Variants in ABAT observed in about 807,000 individuals in gnomAD.
ABAT encodes the protein 4-aminobutyrate aminotransferase, mitochondrial.
ABAT carries 45 observed loss-of-function variants against 64.6 expected under a neutral mutation model. That is an observed-to-expected ratio of 0.70 (90% CI 0.55 to 0.89). The LOEUF (loss-of-function observed/expected upper bound fraction) is 0.89. Ranked by LOEUF, ABAT falls within the 40% of genes least tolerant of loss-of-function variation. The pLI is 0.00. For missense variants in ABAT, 633 were observed against 658.4 expected, an observed-to-expected ratio of 0.96 and a Z score of 0.42; for synonymous variants, 297 against 250.5, an observed-to-expected ratio of 1.19 and a Z score of -1.75.
rs77156240 is a variant in ABAT, at chr16:8,734,545, A to G, written c.-41-1154A>G. Among the ~76,000 whole-genome samples, 145 of 152,272 alleles carry G rather than the reference A, an allele frequency of 9.5e-4. 1 individual carries two copies. In the East Asian group the frequency reaches 0.01, roughly 11 times the overall value. ...TGTGCCTCAATTTCCTCCTCTGTAA[A>G]AAGACCATGGAGCATGGTTGTACAT... On this transcript the variant is annotated intron_variant, in intron 1 of 15. Transcript: ENST00000268251.
rs1211931474 is a variant in ABAT at position 8,723,825 on chromosome 16, ATATTTTTTTTTT to A, written c.-41-11872_-41-11861del. On this transcript the variant is annotated intron_variant, in intron 1 of 15. Transcript: ENST00000268251. ...CCAAGCTTTTTATATATATATATAT[ATATTTTTTTTTT>A]TTTTTTTTTTTTTTTTTTTTTGAGA... Among the ~76,000 whole-genome samples the A allele has an allele frequency of 5.9e-5, 3 of 51,174 alleles. No individual in the cohort carries two copies. In the East Asian group the frequency reaches 1.6e-3, roughly 27 times the overall value. The allele number at this position is 51,174 out of a possible 152,430, so 33.6% of individuals were successfully genotyped here. A position where few individuals can be genotyped will look rare whatever the true frequency, so the allele number is the denominator to read the frequency against.
At chr16:8,734,616 T>G (rs1213893446) in intron 1 of ABAT, among the ~76,000 whole-genome samples, 1 of 152,150 alleles carries the variant, frequency 6.6e-6, no homozygotes, top group African/African-American at 2.4e-5. Context: ...GTAAAGCGTT[T>G]TGTGCAGCAT....
At chr16:8,700,911 C>CTT (rs1174749864) in intron 1 of ABAT, among the ~76,000 whole-genome samples, 5,325 of 131,478 alleles carry the variant, frequency 0.041, 353 homozygotes, top group African/African-American at 0.14. Context: ...GGCCTTAATT[C>CTT]TTTTTTTTTT....
chr16:8,703,264 G>A (rs1400503754), intron 1 of ABAT, among the ~76,000 whole-genome samples: 4 of 151,918 alleles, frequency 2.6e-5, no homozygotes, highest in African/African-American at 9.7e-5. Flanking sequence ...CTGGAGTTTC[G>A]GCCGACATGG....
chr16:8,714,333 T>A (rs1009004698), intron 1 of ABAT, among the ~76,000 whole-genome samples: 2 of 152,160 alleles, frequency 1.3e-5, no homozygotes, highest in Non-Finnish European at 2.9e-5. Flanking sequence ...CACACCCCTT[T>A]CTCTTTGAAA....
chr16:8,715,032 C>T (rs1474003654), intron 1 of ABAT: 1 of 152,272 alleles, frequency 6.6e-6, no homozygotes, highest in Non-Finnish European at 1.5e-5. Context: ...CCAAGAACAG[C>T]TAACACTATA....
At chr16:8,705,707 T>A (rs2057925076) in intron 1 of ABAT, among the ~76,000 whole-genome samples, 1 of 152,034 alleles carries the variant, frequency 6.6e-6, no homozygotes, top group South Asian at 2.1e-4. Context: ...GGTGGTTGGT[T>A]TTTTGCTAGG....
chr16:8,719,852 G>A (rs184101719), intron 1 of ABAT, among the ~76,000 whole-genome samples: 1 of 152,230 alleles, frequency 6.6e-6, no homozygotes, highest in East Asian at 1.9e-4. Flanking sequence ...CACTCTTGTC[G>A]CCAGGTTGGA....
chr16:8,690,788 A>G (rs2057561165), intron 1 of ABAT, among the ~76,000 whole-genome samples: 1 of 152,182 alleles, frequency 6.6e-6, no homozygotes, highest in African/African-American at 2.4e-5. Flanking sequence ...AGTTGAATAT[A>G]CACCAGCACC....
intron 5 of ABAT, chr16:8,757,410 C>T (rs1213704119): frequency 1.9e-5 from 7 of 361,318 alleles, no homozygotes; most frequent in African/African-American, 1.1e-4. Context: ...TCAAGTGATC[C>T]ACCCGCCTTG....
At chr16:8,710,731 G>GAGA (rs2058053643) in intron 1 of ABAT, among the ~76,000 whole-genome samples, 5 of 48,096 alleles carry the variant, frequency 1.0e-4, no homozygotes, top group Admixed American at 2.4e-4. Flanking sequence ...AGAGAGAGAG[G>GAGA]AAATAGGCTC....
chr16:8,685,659 G>C (rs1215204861), intron 1 of ABAT, among the ~76,000 whole-genome samples: 5 of 152,016 alleles, frequency 3.3e-5, no homozygotes, highest in African/African-American at 9.7e-5. Flanking sequence ...CTGGGCAACA[G>C]AGCAAAACCC....
rs369395237 is a variant in ABAT, at chr16:8,714,397, T to C, written c.-41-21302T>C. ...CTGTCACTGGGCATTTCAGATAGAG[T>C]TTGCAGTGAGAATCTCAGTTGACAG... is the stretch of plus-strand genomic sequence containing the variant. On this transcript the variant is annotated intron_variant, in intron 1 of 15. Transcript: ENST00000268251. 2.0e-3 allele frequency among the ~76,000 whole-genome samples: 305 copies of C among 152,168 alleles called. 3 individuals carry two copies. The highest frequency in any genetic ancestry group is 0.017 in the Middle Eastern group (5 of 294).
Position 8,783,208 on chromosome 16 carries a change from C to T in ABAT, c.*1778C>T, listed in dbSNP as rs2060478833. The T allele has an allele frequency of 6.6e-6, 1 of 152,012 alleles. No individual in the cohort carries two copies. The highest frequency in any genetic ancestry group is 1.5e-5 in the Non-Finnish European group (1 of 68,034). The allele number at this position is 152,012 out of a possible 1,614,324, so 9.4% of individuals were successfully genotyped here. A position where few individuals can be genotyped will look rare whatever the true frequency, so the allele number is the denominator to read the frequency against. On this transcript the variant is annotated 3_prime_UTR_variant, in exon 16 of 16. Transcript: ENST00000268251. Reference sequence around the variant, plus strand: ...ATTTATTCATCATTCATTCATTCACCTAACTTTCATTAAATAGCTGCACCA... The same window carrying T: ...ATTTATTCATCATTCATTCATTCACTTAACTTTCATTAAATAGCTGCACCA...
chr16:8,746,965 C>T (rs995891162), intron 3 of ABAT, among the ~76,000 whole-genome samples: 1 of 152,180 alleles, frequency 6.6e-6, no homozygotes, highest in Admixed American at 6.5e-5. Flanking sequence ...TGGCTTGAAT[C>T]ACTGCAGTGA....
At chr16:8,714,503 T>C (rs577777874) in intron 1 of ABAT, 1 of 152,336 alleles carries the variant, frequency 6.6e-6, no homozygotes, top group South Asian at 2.1e-4. Context: ...GATTAGAAGT[T>C]CATTTTGAAT....
At chr16:8,754,214 G>A (rs1372016119) in intron 5 of ABAT, among the ~76,000 whole-genome samples, 9 of 80,008 alleles carry the variant, frequency 1.1e-4, no homozygotes, top group Admixed American at 6.4e-4. Context: ...AATTAGCCGG[G>A]CATGGTGGTG....
intron 1 of ABAT, chr16:8,713,495 A>T: frequency 4.9e-6 from 1 of 203,442 alleles, no homozygotes; most frequent in Non-Finnish European, 1.0e-5. Flanking sequence ...GTGTAGTTGC[A>T]TCCTGTTTCT....
Position 8,771,464 on chromosome 16 carries a change from C to CTTTTTTTTTT in ABAT, c.817-1313_817-1312insTTTTTTTTTT, listed in dbSNP as rs1207440161. On this transcript the variant is annotated intron_variant, in intron 11 of 15. Coordinates refer to ENST00000268251, the MANE Select transcript of ABAT (RefSeq NM_020686.6). ...TCTAGGTGTACGGTTTAGGGTTTTT[C>CTTTTTTTTTT]TTTCTTTTTTTTTTTTTTTTGAGAC... Among the ~76,000 whole-genome samples the CTTTTTTTTTT allele has an allele frequency of 3.8e-4, 41 of 108,500 alleles. 3 individuals are homozygous for CTTTTTTTTTT. Among genetic ancestry groups the CTTTTTTTTTT allele is most frequent in the Admixed American group, 1.1e-3 (9 of 8,050 alleles). 71.2% of individuals were successfully genotyped at this position (108,500 alleles called of 152,430 possible).
Sources: allele counts gnomAD v4.1 joint callset (sites outside exome capture counted in the v4.1 genomes callset), GRCh38; gene constraint gnomAD v4.1.1; transcripts MANE v1.5; gene names NCBI Gene and HGNC (gene_info 2026-07-23, HGNC 2026-07-21).